TUBA1A: variants seen among roughly 807,000 people sequenced by gnomAD.
TUBA1A encodes tubulin alpha-1A chain.
TUBA1A carries 7 observed loss-of-function variants against 34.6 expected under a neutral mutation model. The ratio of observed to expected loss-of-function variants is 0.20; its 90% CI spans 0.11 to 0.38. The LOEUF (loss-of-function observed/expected upper bound fraction) is 0.38, where lower values mean the gene tolerates loss of function less well. Ranked by LOEUF, TUBA1A falls within the 10% of genes least tolerant of loss-of-function variation. The pLI is 1.00. For missense variants in TUBA1A, 19 were observed against 581.3 expected (o/e 0.03, Z 9.95); for synonymous variants, 193 against 210.2 (o/e 0.92, Z 0.71).
rs1435882912 is a variant in TUBA1A, at chr12:49,184,815, C to T, written c.*195G>A. On this transcript the variant is annotated 3_prime_UTR_variant, in exon 4 of 4. Transcript: ENST00000301071. ...CTGAATTCATTTAAGACAGGGAATA[C>T]TTTATTCAAAACCCATCACAGAAAT... 1 of 868,026 alleles carries T rather than the reference C, an allele frequency of 1.2e-6. No homozygotes were observed. Among genetic ancestry groups the T allele is most frequent in the East Asian group, 2.6e-5 (1 of 38,200 alleles). 53.8% of individuals were successfully genotyped at this position (868,026 alleles called of 1,614,324 possible).
Position 49,185,535 on chromosome 12 carries a change from A to G in TUBA1A, c.831T>C (p.Ser277=), listed in dbSNP as rs2121243298. 6.2e-7 allele frequency: 1 copy of G among 1,614,068 alleles called. No individual in the cohort carries two copies. The highest frequency in any genetic ancestry group is 8.5e-7 in the Non-Finnish European group (1 of 1,179,990). ...GCTGTTCATGGTAGGCTTTCTCAGC[A>G]GAGATGACAGGGGCATATGTGGCCA... ...FPLATYAPVI[S]AEKAYHEQLS... The change falls in exon 4 of 4, where the codon TCT becomes TCC. Residue 277 remains serine (S), a synonymous_variant. Coordinates refer to ENST00000301071, the MANE Select transcript of TUBA1A (RefSeq NM_006009.4).
chr12:49,186,399 T>A lies in TUBA1A; in HGVS notation c.286A>T (p.Lys96Ter). 6.2e-7 allele frequency: 1 copy of A among 1,613,654 alleles called. No homozygotes were observed. Among genetic ancestry groups the A allele is most frequent in the Non-Finnish European group, 8.5e-7 (1 of 1,179,998 alleles). ...GCATAGTTATTGGCAGCATCTTCTT[T>A]GCCTGTGATAAGTTGCTCAGGGTGG... ...LFHPEQLITG[K>*]EDAANNYARG... Residue 96 changes from lysine (K) to a stop codon, truncating the protein, a stop_gained, in exon 3 of 4, where the codon AAA becomes TAA. Transcript: ENST00000301071. LOFTEE classifies it high-confidence loss of function. This position sits in a 1 kb window ranked among gnomAD's most constrained non-coding sequence, Gnocchi z 6.6.
chr12:49,188,270 G>GTT lies in TUBA1A; in HGVS notation c.3+705_3+706dup. 8.8e-6 allele frequency: 12 copies of GTT among 1,363,740 alleles called. No homozygotes were observed. Among genetic ancestry groups the GTT allele is most frequent in the South Asian group, 3.3e-5 (2 of 60,526 alleles). The allele number at this position is 1,363,740 out of a possible 1,614,324, so 84.5% of individuals were successfully genotyped here. ...TTCCGCAATGATGAAAGGTTTTTTT[G>GTT]TTTTTTTTTCAGTCAGCTCCTGACA... On this transcript the variant is annotated intron_variant, in intron 1 of 3. Coordinates refer to ENST00000301071, the MANE Select transcript of TUBA1A (RefSeq NM_006009.4). The surrounding 1 kb of genome is among the most constrained non-coding windows in gnomAD (Gnocchi z 4.9).
chr12:49,185,913 C>T lies in TUBA1A; in HGVS notation c.453G>A (p.Ser151=), dbSNP rs697624. The change falls in exon 4 of 4, where the codon TCG becomes TCA. Residue 151 remains serine, a synonymous_variant. Coordinates refer to ENST00000301071, the MANE Select transcript of TUBA1A (RefSeq NM_006009.4). ...CAACTGAGAGACGTTCCATGAGCAGCGAGGTGAACCCAGAACCAGTTCCCC... is the reference window on the plus strand; with the variant it reads ...CAACTGAGAGACGTTCCATGAGCAGTGAGGTGAACCCAGAACCAGTTCCCC... The part of the protein sequence containing the change: ...FGGGTGSGFT[S]LLMERLSVDY... 20 of 1,613,246 alleles carry T rather than the reference C, an allele frequency of 1.2e-5. No homozygotes were observed. The Admixed American group carries it at 2.0e-4, about 16-fold the overall frequency.
chr12:49,184,888 C>T lies in TUBA1A; in HGVS notation c.*122G>A. On this transcript the variant is annotated 3_prime_UTR_variant, in exon 4 of 4. Transcript: ENST00000301071. ...AGCATTCATGTTTTAGAGCATAGGT[C>T]AGTAATTGTATATGAGAGCATACAC... 6.7e-7 allele frequency: 1 copy of T among 1,502,728 alleles called. No individual in the cohort carries two copies. Among genetic ancestry groups the T allele is most frequent in the Non-Finnish European group, 9.2e-7 (1 of 1,082,052 alleles). The allele number at this position is 1,502,728 out of a possible 1,614,324, so 93.1% of individuals were successfully genotyped here. A position where few individuals can be genotyped will look rare whatever the true frequency, so the allele number is the denominator to read the frequency against.
chr12:49,186,072 C>T lies in TUBA1A; in HGVS notation c.376-82G>A. 1 of 1,575,656 alleles carries T rather than the reference C, an allele frequency of 6.3e-7. No individual in the cohort carries two copies. Among genetic ancestry groups the T allele is most frequent in the Non-Finnish European group, 8.6e-7 (1 of 1,160,700 alleles). ...TCATAGTAAATATATTTTCACTTTT[C>T]ATACATCTTCCAGGACTTAGATCTT... On this transcript the variant is annotated intron_variant, in intron 3 of 3. Transcript: ENST00000301071. This position sits in a 1 kb window ranked among gnomAD's most constrained non-coding sequence, Gnocchi z 6.6.
In TUBA1A at chr12:49,186,937, T is replaced by TA. The variant is rs1942189087; in HGVS notation, c.4-105dup. 1 of 1,533,076 alleles carries TA rather than the reference T, an allele frequency of 6.5e-7. No individual in the cohort carries two copies. The highest frequency in any genetic ancestry group is 1.4e-5 in the African/African-American group (1 of 72,444). 95.0% of individuals were successfully genotyped at this position (1,533,076 alleles called of 1,614,324 possible). ...TTCTAATAATATACAGATATTTTTC[T>TA]AAATTATTTGAGGTCATATCCCCAG... On this transcript the variant is annotated intron_variant, in intron 1 of 3. Coordinates refer to ENST00000301071, the MANE Select transcript of TUBA1A (RefSeq NM_006009.4). This position sits in a 1 kb window ranked among gnomAD's most constrained non-coding sequence, Gnocchi z 6.6.
At position 49,186,264 on chromosome 12, in the gene TUBA1A, G is replaced by A. The variant is rs1942179024; in HGVS notation, c.375+46C>T. ...AAAAAAAAAGCATTATTTCAAATGT[G>A]TTCTTTAGGCTCATTAATTTACTTT... On this transcript the variant is annotated intron_variant, in intron 3 of 3. Transcript: ENST00000301071. The surrounding 1 kb of genome is among the most constrained non-coding windows in gnomAD (Gnocchi z 6.6). 1 of 1,612,114 alleles carries A rather than the reference G, an allele frequency of 6.2e-7. No homozygotes were observed. Among genetic ancestry groups the A allele is most frequent in the Non-Finnish European group, 8.5e-7 (1 of 1,179,958 alleles).
rs1592260097 is a variant in TUBA1A at position 49,186,219 on chromosome 12, A to T, written c.375+91T>A. The T allele has an allele frequency of 3.9e-5, 63 of 1,610,458 alleles. 4 individuals carry two copies. The South Asian group carries it at 6.8e-4, about 17-fold the overall frequency. On this transcript the variant is annotated intron_variant, in intron 3 of 3. Coordinates refer to ENST00000301071, the MANE Select transcript of TUBA1A (RefSeq NM_006009.4). This position sits in a 1 kb window ranked among gnomAD's most constrained non-coding sequence, Gnocchi z 6.6. ...ACTCATTCCACTCTTTATTAAAATA[A>T]CAGTTCAATTCTGTGTTTGAAAAAA...
Position 49,186,242 on chromosome 12 carries a change from A to G in TUBA1A, c.375+68T>C. On this transcript the variant is annotated intron_variant, in intron 3 of 3. Transcript: ENST00000301071. The surrounding 1 kb of genome is among the most constrained non-coding windows in gnomAD (Gnocchi z 6.6). ...TAACAGTTCAATTCTGTGTTTGAAAAAAAAAGCATTATTTCAAATGTGTTC... is the reference window on the plus strand; with the variant it reads ...TAACAGTTCAATTCTGTGTTTGAAAGAAAAAGCATTATTTCAAATGTGTTC... The G allele has an allele frequency of 1.2e-6, 2 of 1,612,078 alleles. No individual in the cohort carries two copies. Among genetic ancestry groups the G allele is most frequent in the South Asian group, 2.2e-5 (2 of 90,998 alleles).
rs1942177559 is a variant in TUBA1A at position 49,186,116 on chromosome 12, TAA to T, written c.376-128_376-127del. The T allele has an allele frequency of 6.6e-7, 1 of 1,519,440 alleles. No homozygotes were observed. 94.1% of individuals were successfully genotyped at this position (1,519,440 alleles called of 1,614,324 possible). A position where few individuals can be genotyped will look rare whatever the true frequency, so the allele number is the denominator to read the frequency against. On this transcript the variant is annotated intron_variant, in intron 3 of 3. Coordinates refer to ENST00000301071, the MANE Select transcript of TUBA1A (RefSeq NM_006009.4). The surrounding 1 kb of genome is among the most constrained non-coding windows in gnomAD (Gnocchi z 6.6). ...AGATCTTATTTTGACAAATGCTTTT[TAA>T]AAAATTCTCATTAACATTTACAAAA...
Position 49,186,274 on chromosome 12 carries a change from C to A in TUBA1A, c.375+36G>T. 6.2e-7 allele frequency: 1 copy of A among 1,612,398 alleles called. No homozygotes were observed. The highest frequency in any genetic ancestry group is 8.5e-7 in the Non-Finnish European group (1 of 1,179,986). On this transcript the variant is annotated intron_variant, in intron 3 of 3. Transcript: ENST00000301071. This position sits in a 1 kb window ranked among gnomAD's most constrained non-coding sequence, Gnocchi z 6.6. ...CATTATTTCAAATGTGTTCTTTAGGCTCATTAATTTACTTTATTCTTGAAA... is the reference window on the plus strand; with the variant it reads ...CATTATTTCAAATGTGTTCTTTAGGATCATTAATTTACTTTATTCTTGAAA...
chr12:49,187,166 G>T (rs1942191644), intron 1 of TUBA1A: 2 of 1,193,830 alleles, frequency 1.7e-6, no homozygotes, highest in African/African-American at 1.6e-5. Flanking sequence ...ATCCAATTAT[G>T]ACTTAATTGG....
rs1260434535 is a variant in TUBA1A at position 49,186,554 on chromosome 12, A to G, written c.226+57T>C. ...TGAGTGACCAGCGGAGCCCCCCAGG[A>G]CAGACCTCCTGTCCCAGCACCCTGG... On this transcript the variant is annotated intron_variant, in intron 2 of 3. Coordinates refer to ENST00000301071, the MANE Select transcript of TUBA1A (RefSeq NM_006009.4). The surrounding 1 kb of genome is among the most constrained non-coding windows in gnomAD (Gnocchi z 6.6). 7 of 1,612,614 alleles carry G rather than the reference A, an allele frequency of 4.3e-6. No homozygotes were observed. The Admixed American group carries it at 1.2e-4, about 27-fold the overall frequency.
In TUBA1A at chr12:49,188,342, T is replaced by C. The variant is rs536439474; in HGVS notation, c.3+635A>G. The C allele has an allele frequency of 4.7e-5, 72 of 1,530,452 alleles. No individual in the cohort carries two copies. In the African/African-American group the frequency reaches 5.8e-4, roughly 12 times the overall value. The allele number at this position is 1,530,452 out of a possible 1,614,324, so 94.8% of individuals were successfully genotyped here. A position where few individuals can be genotyped will look rare whatever the true frequency, so the allele number is the denominator to read the frequency against. ...ACCCCGCCCAGTGGCTCCAACGCCA[T>C]AGAAGCCAGAAACAAACAACCCCGC... On this transcript the variant is annotated intron_variant, in intron 1 of 3. Coordinates refer to ENST00000301071, the MANE Select transcript of TUBA1A (RefSeq NM_006009.4). The surrounding 1 kb of genome is among the most constrained non-coding windows in gnomAD (Gnocchi z 4.9).
Position 49,189,007 on chromosome 12 carries a change from A to C in TUBA1A, c.-28T>G, listed in dbSNP as rs1299193609. ...TTGCTGCTTCGCGACTGCCGAGCTGATGGCGGAGACGAAGAGGAGAGGTTG... is the reference window on the plus strand; with the variant it reads ...TTGCTGCTTCGCGACTGCCGAGCTGCTGGCGGAGACGAAGAGGAGAGGTTG... On this transcript the variant is annotated 5_prime_UTR_variant, in exon 1 of 4. Transcript: ENST00000301071. 1 of 1,614,042 alleles carries C rather than the reference A, an allele frequency of 6.2e-7. No individual in the cohort carries two copies. The highest frequency in any genetic ancestry group is 8.5e-7 in the Non-Finnish European group (1 of 1,180,010).
Position 49,186,270 on chromosome 12 carries a change from T to C in TUBA1A, c.375+40A>G, listed in dbSNP as rs1258688365. 8 of 1,612,404 alleles carry C rather than the reference T, an allele frequency of 5.0e-6. No homozygotes were observed. Among genetic ancestry groups the C allele is most frequent in the South Asian group, 1.1e-5 (1 of 91,010 alleles). On this transcript the variant is annotated intron_variant, in intron 3 of 3. Transcript: ENST00000301071. The surrounding 1 kb of genome is among the most constrained non-coding windows in gnomAD (Gnocchi z 6.6). ...AAAGCATTATTTCAAATGTGTTCTTTAGGCTCATTAATTTACTTTATTCTT... is the reference window on the plus strand; with the variant it reads ...AAAGCATTATTTCAAATGTGTTCTTCAGGCTCATTAATTTACTTTATTCTT...
Position 49,188,013 on chromosome 12 carries a change from C to T in TUBA1A, c.3+964G>A. 3 of 978,538 alleles carry T rather than the reference C, an allele frequency of 3.1e-6. No homozygotes were observed. The highest frequency in any genetic ancestry group is 3.6e-6 in the Non-Finnish European group (3 of 829,084). The allele number at this position is 978,538 out of a possible 1,614,324, so 60.6% of individuals were successfully genotyped here. A position where few individuals can be genotyped will look rare whatever the true frequency, so the allele number is the denominator to read the frequency against. ...TCCCTCGCTGAACGTGCAGTCCAGA[C>T]AGACAGACAGACACACACACACACA... On this transcript the variant is annotated intron_variant, in intron 1 of 3. Coordinates refer to ENST00000301071, the MANE Select transcript of TUBA1A (RefSeq NM_006009.4). The surrounding 1 kb of genome is among the most constrained non-coding windows in gnomAD (Gnocchi z 4.9).
Position 49,188,455 on chromosome 12 carries a change from G to C in TUBA1A, c.3+522C>G. The C allele has an allele frequency of 7.2e-6, 11 of 1,535,554 alleles. No individual in the cohort carries two copies. The highest frequency in any genetic ancestry group is 9.6e-6 in the Non-Finnish European group (11 of 1,146,616). The stretch of plus-strand genomic sequence containing the variant: ...GAATGTGTGGGTATCTTTCCAAAAC[G>C]CCAAAGACCGCGGAGGGTCTTCCCA... On this transcript the variant is annotated intron_variant, in intron 1 of 3. Coordinates refer to ENST00000301071, the MANE Select transcript of TUBA1A (RefSeq NM_006009.4). The surrounding 1 kb of genome is among the most constrained non-coding windows in gnomAD (Gnocchi z 4.9).
Sources: gnomAD v4.1 joint callset for allele counts on GRCh38, gnomAD v4.1.1 for gene constraint, Gnocchi (gnomAD v3.1) non-coding constraint, MANE v1.5 for transcripts, NCBI Gene and HGNC (gene_info 2026-07-23, HGNC 2026-07-21) for gene names.